The following SMG1 variants were observed in gnomAD, a reference collection of about 807,000 sequenced individuals.
SMG1 encodes SMG1 nonsense mediated mRNA decay associated PI3K related kinase.
In SMG1, 22 loss-of-function variants were observed where a neutral mutation model predicts 419.9. The observed-to-expected ratio is 0.05, with a 90% CI of 0.04 to 0.07. SMG1 has a LOEUF of 0.07. Ranked by LOEUF, SMG1 falls within the 10% of genes least tolerant of loss-of-function variation. The probability of loss-of-function intolerance (pLI) is 1.00; values close to 1 mark genes in which losing one functional copy is unlikely to be tolerated. For missense variants in SMG1, 3,185 were observed against 4,342.0 expected (o/e 0.73, Z 7.49); for synonymous variants, 1,538 against 1,553.5 (o/e 0.99, Z 0.23).
At chr16:18,901,421 T>C (rs2037342181) in intron 1 of SMG1, among the ~76,000 whole-genome samples, 1 of 152,140 alleles carries the variant, frequency 6.6e-6, no homozygotes. Flanking sequence ...ATTATGTTGC[T>C]CAGGCTGCTC....
chr16:18,894,645 T>G (rs557692049), intron 3 of SMG1, among the ~76,000 whole-genome samples: 6 of 149,432 alleles, frequency 4.0e-5, no homozygotes, highest in Admixed American at 3.3e-4. Context: ...GCACAAAGAT[T>G]TTCACCAAGA....
In SMG1 at chr16:18,847,518, GA is replaced by G; in HGVS notation, c.5930del (p.Val1977AlafsTer2). The G allele has an allele frequency of 6.2e-7, 1 of 1,614,008 alleles. No homozygotes were observed. The highest frequency in any genetic ancestry group is 8.5e-7 in the Non-Finnish European group (1 of 1,179,884). ...LGVLLQQHMY[V>X]LRRIQQLEDE... ...CTTCAAGCTGCTGAATTCGTCTCAG[GA>G]CATACATGTGTTGTTGCAGCAAAAC... On this transcript the variant is annotated frameshift_variant, in exon 38 of 63. Coordinates refer to ENST00000446231, the MANE Select transcript of SMG1 (RefSeq NM_015092.5). LOFTEE classifies it high-confidence loss of function.
At chr16:18,844,967 A>C (rs990608048) in intron 39 of SMG1, among the ~76,000 whole-genome samples, 1 of 152,242 alleles carries the variant, frequency 6.6e-6, no homozygotes, top group East Asian at 1.9e-4. Flanking sequence ...CCCACGCAGC[A>C]TATGTGGAAT....
chr16:18,864,236 C>T, intron 23 of SMG1, 92 bp from the exon 24 acceptor site: 1 of 1,176,808 alleles, frequency 8.5e-7, no homozygotes, highest in Non-Finnish European at 1.1e-6. Flanking sequence ...GCTCTTCTTG[C>T]CCAGGCTGGA....
intron 1 of SMG1, among the ~76,000 whole-genome samples, chr16:18,904,445 C>CA (rs1367034456): frequency 6.6e-6 from 1 of 150,520 alleles, no homozygotes; most frequent in Non-Finnish European, 1.5e-5. Flanking sequence ...CCACCCTGGC[C>CA]AAAATGGTGA....
intron 31 of SMG1, 59 bp downstream of exon 31, chr16:18,853,524 A>C: frequency 7.1e-7 from 1 of 1,401,202 alleles, no homozygotes; most frequent in Non-Finnish European, 9.5e-7. Flanking sequence ...ATAAACTTTA[A>C]AACAGAAAAA....
intron 60 of SMG1, among the ~76,000 whole-genome samples, chr16:18,812,635 TATATAC>T: frequency 7.0e-6 from 1 of 143,820 alleles, no homozygotes; most frequent in African/African-American, 2.5e-5. Context: ...TATACACATA[TATATAC>T]ACATATACAC....
At chr16:18,918,299 C>T (rs1052193523) in intron 1 of SMG1, among the ~76,000 whole-genome samples, 2 of 152,126 alleles carry the variant, frequency 1.3e-5, no homozygotes, top group African/African-American at 2.4e-5. Context: ...AAGAAAAAAA[C>T]ACTTGAACTA....
intron 22 of SMG1, 94 bp from the exon 23 acceptor site, chr16:18,866,869 C>T (rs1401173670): frequency 1.2e-6 from 1 of 852,742 alleles, no homozygotes; most frequent in Non-Finnish European, 1.8e-6. Flanking sequence ...CTGCTTAAAG[C>T]CAAATGTATT....
At chr16:18,912,208 GA>G (rs1405741736) in intron 1 of SMG1, among the ~76,000 whole-genome samples, 1 of 143,228 alleles carries the variant, frequency 7.0e-6, no homozygotes, top group African/African-American at 2.6e-5. Context: ...TTTTGAAAAA[GA>G]AAAGGGAACA....
intron 1 of SMG1, among the ~76,000 whole-genome samples, chr16:18,899,380 A>C (rs1183884772): frequency 6.6e-6 from 1 of 152,188 alleles, no homozygotes; most frequent in Non-Finnish European, 1.5e-5. Flanking sequence ...ATAACAAAAA[A>C]AAACTAACTG....
intron 13 of SMG1, among the ~76,000 whole-genome samples, chr16:18,874,588 G>T (rs954997290): frequency 1.3e-5 from 2 of 148,548 alleles, no homozygotes; most frequent in Admixed American, 1.3e-4. Flanking sequence ...AAAGCAGGCT[G>T]GGCGCGGTGG....
rs564677821 is a variant in SMG1, at chr16:18,863,640, T to C, written c.3695+10A>G. On this transcript the variant is annotated intron_variant, in intron 25 of 62. Transcript: ENST00000446231. Reference sequence around the variant, plus strand: ...AAATTTGTTTTATAACTGGAAAAAGTAAGCCTTACTTTATATAGTTGAAGT... The same window carrying C: ...AAATTTGTTTTATAACTGGAAAAAGCAAGCCTTACTTTATATAGTTGAAGT... 14 of 1,593,418 alleles carry C rather than the reference T, an allele frequency of 8.8e-6. 1 individual carries two copies. The East Asian group carries it at 1.8e-4, about 20-fold the overall frequency.
intron 11 of SMG1, chr16:18,879,269 C>A: frequency 1.9e-6 from 1 of 520,692 alleles, no homozygotes; most frequent in Non-Finnish European, 3.5e-6. Context: ...GTGCACGCCA[C>A]TACACCAAGC....
intron 17 of SMG1, 36 bp downstream of exon 17, chr16:18,870,765 G>A (rs1344955953): frequency 5.3e-6 from 8 of 1,502,166 alleles, no homozygotes; most frequent in African/African-American, 1.4e-5. Context: ...CAGGTTATTA[G>A]GGTTAATGTC....
At chr16:18,832,809 G>A (rs1302121558) in intron 51 of SMG1, 131 bp downstream of exon 51, 8 of 769,412 alleles carry the variant, frequency 1.0e-5, no homozygotes, top group Non-Finnish European at 1.7e-5. Flanking sequence ...AAAGATACGT[G>A]TATGAGCATT....
At chr16:18,876,573 G>A (rs1389948685) in intron 12 of SMG1, among the ~76,000 whole-genome samples, 180 bp from the exon 13 acceptor site, 4 of 151,792 alleles carry the variant, frequency 2.6e-5, no homozygotes, top group Non-Finnish European at 4.4e-5. Context: ...AACTGACACA[G>A]ATCAGTATGC....
chr16:18,838,191 C>T lies in SMG1; in HGVS notation c.7236G>A (p.Thr2412=), dbSNP rs140975518. 3.0e-5 allele frequency: 48 copies of T among 1,612,704 alleles called. No homozygotes were observed. The highest frequency in any genetic ancestry group is 1.6e-4 in the Middle Eastern group (1 of 6,062). Residue 2412 remains threonine (T), a synonymous_variant, in exon 45 of 63, where the codon ACG becomes ACA. Coordinates refer to ENST00000446231, the MANE Select transcript of SMG1 (RefSeq NM_015092.5). ...IMRRGRETLL[T]LLEAFVYDPL... ...GGTCGTACACAAAGGCCTCCAGCAG[C>T]GTCAGCAGGGTCTCTCTGCCACGCC...
In SMG1 at chr16:18,809,622, T is replaced by C. The variant is rs1463136894; in HGVS notation, c.10933A>G (p.Thr3645Ala). The C allele has an allele frequency of 2.5e-6, 4 of 1,609,142 alleles. No individual in the cohort carries two copies. Among genetic ancestry groups the C allele is most frequent in the African/African-American group, 1.3e-5 (1 of 75,002 alleles). ...EQVDYVIKEATNLDNLAQLYE... is the reference protein window; with the variant it reads ...EQVDYVIKEAANLDNLAQLYE... Reference sequence around the variant, plus strand: ...AGCTGAGCCAAGTTATCTAGATTAGTTGCTTCCTTAATGACATAGTCAACC... The same window carrying C: ...AGCTGAGCCAAGTTATCTAGATTAGCTGCTTCCTTAATGACATAGTCAACC... The change falls in exon 63 of 63, where the codon ACT becomes GCT. Residue 3645 changes from threonine (T) to alanine (A), a missense_variant. Transcript: ENST00000446231.
Sources: allele counts gnomAD v4.1 joint callset (sites outside exome capture counted in the v4.1 genomes callset), GRCh38; gene constraint gnomAD v4.1.1; transcripts MANE v1.5; gene names NCBI Gene and HGNC (gene_info 2026-07-23, HGNC 2026-07-21).